PTN: variants seen among roughly 807,000 people sequenced by gnomAD.
PTN encodes the protein heparin affin regulatory protein.
A neutral mutation model predicts 24.1 loss-of-function variants in PTN; 18 were observed. That is an observed-to-expected ratio of 0.75 (90% CI 0.52 to 1.11). The LOEUF is 1.11. Among genes scored for constraint, PTN ranks in the 50% least tolerant of loss-of-function variants. PTN has a pLI of 0.00. For missense variants in PTN, 163 were observed against 198.8 expected, an observed-to-expected ratio of 0.82 and a Z score of 1.08; for synonymous variants, 78 against 68.6, an observed-to-expected ratio of 1.14 and a Z score of -0.67.
chr7:137,316,174 A>C (rs1024498097), intron 1 of PTN, among the ~76,000 whole-genome samples: 4 of 152,180 alleles, frequency 2.6e-5, no homozygotes, highest in African/African-American at 4.8e-5. Context: ...AAGGCAGCTC[A>C]TTCCAAGATT....
chr7:137,235,761 A>ACCTT lies in PTN; in HGVS notation c.452-7690_452-7687dup, dbSNP rs1290180273. ...ACACCTCTTCTTTCCCTCACTGTCC[A>ACCTT]CCTTCCTCTTCATTCATCAACTCTA... is the stretch of plus-strand genomic sequence containing the variant. On this transcript the variant is annotated intron_variant, in intron 4 of 4. Coordinates refer to ENST00000348225, the MANE Select transcript of PTN (RefSeq NM_002825.7). 4.6e-5 allele frequency among the ~76,000 whole-genome samples: 7 copies of ACCTT among 151,906 alleles called. No homozygotes were observed. In the East Asian group the frequency reaches 1.4e-3, roughly 30 times the overall value.
chr7:137,314,958 A>T (rs1280961977), intron 1 of PTN, among the ~76,000 whole-genome samples: 1 of 152,172 alleles, frequency 6.6e-6, no homozygotes, highest in Non-Finnish European at 1.5e-5. Flanking sequence ...AATACTTTAG[A>T]CATTGTTAAC....
intron 1 of PTN, among the ~76,000 whole-genome samples, chr7:137,275,484 C>T (rs1475361493): frequency 6.6e-6 from 1 of 152,140 alleles, no homozygotes; most frequent in East Asian, 1.9e-4. Flanking sequence ...TACAAGATTA[C>T]AGGCTCATTA....
rs190544593 is a variant in PTN at position 137,267,481 on chromosome 7, C to T, written c.-1-12507G>A. Reference sequence around the variant, plus strand: ...GCCTTGGCTTACAGGTTACCTTGTGCCATACCTCTGAAACAAGGGACCTGT... The same window carrying T: ...GCCTTGGCTTACAGGTTACCTTGTGTCATACCTCTGAAACAAGGGACCTGT... On this transcript the variant is annotated intron_variant, in intron 1 of 4. Transcript: ENST00000348225. Among the ~76,000 whole-genome samples the T allele has an allele frequency of 4.9e-4, 74 of 152,246 alleles. 1 individual carries two copies. The East Asian group carries it at 0.014, about 29-fold the overall frequency.
chr7:137,328,179 T>A (rs1016924641), intron 1 of PTN, among the ~76,000 whole-genome samples: 1 of 152,242 alleles, frequency 6.6e-6, no homozygotes, highest in African/African-American at 2.4e-5. Context: ...ACTGTGTGAC[T>A]AGCCCTTTAA....
intron 1 of PTN, among the ~76,000 whole-genome samples, chr7:137,260,866 G>A (rs1809024415): frequency 6.6e-6 from 1 of 152,124 alleles, no homozygotes; most frequent in South Asian, 2.1e-4. Context: ...GATGGGGGTT[G>A]CAAAATGGTG....
chr7:137,253,396 A>G lies in PTN; in HGVS notation c.289+68T>C, dbSNP rs533822079. The G allele has an allele frequency of 6.2e-6, 9 of 1,453,932 alleles. No homozygotes were observed. In the African/African-American group the frequency reaches 1.3e-4, roughly 21 times the overall value. 90.1% of individuals were successfully genotyped at this position (1,453,932 alleles called of 1,614,324 possible). ...AAATAAAAAGTACTTATCCTTAAAAAGACATTTGGTGGAAAAATTTGAGAA... is the reference window on the plus strand; with the variant it reads ...AAATAAAAAGTACTTATCCTTAAAAGGACATTTGGTGGAAAAATTTGAGAA... On this transcript the variant is annotated intron_variant, in intron 3 of 4. Transcript: ENST00000348225.
chr7:137,335,427 T>C (rs1038406709), intron 1 of PTN, among the ~76,000 whole-genome samples: 5 of 152,176 alleles, frequency 3.3e-5, no homozygotes, highest in African/African-American at 1.2e-4. Context: ...TAAATAATCA[T>C]ACATTGTAAA....
chr7:137,337,391 T>C (rs1385756821), intron 1 of PTN, among the ~76,000 whole-genome samples: 1 of 152,188 alleles, frequency 6.6e-6, no homozygotes, highest in Non-Finnish European at 1.5e-5. Flanking sequence ...CCTTAACTTC[T>C]CTAAGCCTGC....
intron 4 of PTN, among the ~76,000 whole-genome samples, chr7:137,232,984 CTT>C (rs1331224237): frequency 6.6e-6 from 1 of 151,950 alleles, no homozygotes; most frequent in Middle Eastern, 3.2e-3. Context: ...AATTAAACCT[CTT>C]TTCTTTATAG....
intron 1 of PTN, among the ~76,000 whole-genome samples, chr7:137,275,920 A>C (rs969156455): frequency 6.6e-6 from 1 of 152,242 alleles, no homozygotes; most frequent in African/African-American, 2.4e-5. Context: ...ATTTCTAATA[A>C]CTGGTGGCTT....
intron 1 of PTN, among the ~76,000 whole-genome samples, chr7:137,322,035 GGC>G (rs752873779): frequency 7.9e-5 from 12 of 152,162 alleles, no homozygotes; most frequent in Non-Finnish European, 1.5e-4. Context: ...GAAGCTTAGA[GGC>G]CTTCCCTGGC....
At chr7:137,248,536 A>G (rs1027364156) in intron 4 of PTN, among the ~76,000 whole-genome samples, 5 of 152,162 alleles carry the variant, frequency 3.3e-5, no homozygotes, top group African/African-American at 1.2e-4. Flanking sequence ...AAAGACAGAA[A>G]AATTAGCTGG....
At chr7:137,237,894 A>G (rs1327575314) in intron 4 of PTN, among the ~76,000 whole-genome samples, 1 of 152,162 alleles carries the variant, frequency 6.6e-6, no homozygotes, top group Non-Finnish European at 1.5e-5. Flanking sequence ...ATTTTCTGTA[A>G]GAGTAAAAAT....
chr7:137,289,047 G>A (rs749737241), intron 1 of PTN, among the ~76,000 whole-genome samples: 36 of 152,152 alleles, frequency 2.4e-4, no homozygotes, highest in African/African-American at 6.0e-4. Flanking sequence ...TTTAATCATC[G>A]CAATCACCTT....
intron 1 of PTN, among the ~76,000 whole-genome samples, chr7:137,296,454 G>T (rs1004842278): frequency 6.6e-6 from 1 of 152,002 alleles, no homozygotes; most frequent in African/African-American, 2.4e-5. Context: ...GAGAAGGCAG[G>T]AGAAAGAGTA....
chr7:137,296,618 G>A (rs1235976493), intron 1 of PTN, among the ~76,000 whole-genome samples: 3 of 151,976 alleles, frequency 2.0e-5, no homozygotes, highest in Non-Finnish European at 4.4e-5. Context: ...TTATATTGTG[G>A]CCAATTGTTT....
intron 4 of PTN, among the ~76,000 whole-genome samples, chr7:137,234,244 T>G (rs1808481162): frequency 6.6e-6 from 1 of 151,974 alleles, no homozygotes; most frequent in African/African-American, 2.4e-5. Context: ...TGTACATCAG[T>G]TGGATAGTTC....
chr7:137,328,681 C>T (rs1355647381), intron 1 of PTN, among the ~76,000 whole-genome samples: 2 of 152,134 alleles, frequency 1.3e-5, no homozygotes, highest in African/African-American at 4.8e-5. Flanking sequence ...CTCCTAGACA[C>T]CCTCCTGCTT....
Sources: gnomAD v4.1 joint callset for allele counts (sites outside exome capture counted in the v4.1 genomes callset) on GRCh38, gnomAD v4.1.1 for gene constraint, MANE v1.5 for transcripts, NCBI Gene and HGNC (gene_info 2026-07-23, HGNC 2026-07-21) for gene names.